Variants in GALNT13 observed in about 807,000 individuals in gnomAD.
GALNT13 encodes the protein UDP-GalNAc:polypeptide N-acetylgalactosaminyltransferase 13.
In GALNT13, 28 loss-of-function variants were observed where a neutral mutation model predicts 64.2. The ratio of observed to expected loss-of-function variants is 0.44; its 90% CI spans 0.32 to 0.60. The LOEUF is 0.60. Ranked by LOEUF, GALNT13 falls within the 20% of genes least tolerant of loss-of-function variation. GALNT13 has a pLI of 0.05. For missense variants in GALNT13, 577 were observed against 669.8 expected (o/e 0.86, Z 1.53); for synonymous variants, 214 against 224.6 (o/e 0.95, Z 0.42).
the GALNT13 span, among the ~76,000 whole-genome samples, chr2:153,595,653 A>C: frequency 6.6e-6 from 1 of 152,120 alleles, no homozygotes; most frequent in African/African-American, 2.4e-5. Context: ...TTACAAAATG[A>C]GCTAGATGCT....
the GALNT13 span, among the ~76,000 whole-genome samples, chr2:153,795,806 C>T: frequency 2.0e-5 from 3 of 152,170 alleles, no homozygotes; most frequent in Non-Finnish European, 4.4e-5. Flanking sequence ...AAGCTTCATA[C>T]GTTCTCCTAC....
At chr2:154,287,846 TG>T (rs1166283376) in intron 8 of GALNT13, among the ~76,000 whole-genome samples, 2 of 152,100 alleles carry the variant, frequency 1.3e-5, no homozygotes. Flanking sequence ...CTTGACTCTG[TG>T]GGATTCAGTA....
intron 2 of GALNT13, among the ~76,000 whole-genome samples, chr2:153,932,475 CTTCT>C (rs1306447657): frequency 6.6e-6 from 1 of 151,832 alleles, no homozygotes. Context: ...TGGCATGTTA[CTTCT>C]TTGTTTTTCT....
At chr2:153,390,913 A>T in the GALNT13 span, among the ~76,000 whole-genome samples, 10 of 152,214 alleles carry the variant, frequency 6.6e-5, no homozygotes, top group South Asian at 1.0e-3. Context: ...AACATATTCA[A>T]TGGTGAAAGC....
At chr2:154,285,165 A>G (rs1281756531) in intron 8 of GALNT13, among the ~76,000 whole-genome samples, 2 of 152,126 alleles carry the variant, frequency 1.3e-5, no homozygotes. Flanking sequence ...CTCCCAGTCC[A>G]TGAGTTGTCT....
At chr2:154,332,583 A>G (rs1695225898) in intron 9 of GALNT13, among the ~76,000 whole-genome samples, 1 of 151,998 alleles carries the variant, frequency 6.6e-6, no homozygotes, top group Admixed American at 6.6e-5. Flanking sequence ...AAGTTGAGGA[A>G]CCTCTTTATA....
chr2:154,331,539 C>T (rs1419840493), intron 9 of GALNT13, among the ~76,000 whole-genome samples: 1 of 151,980 alleles, frequency 6.6e-6, no homozygotes, highest in Non-Finnish European at 1.5e-5. Flanking sequence ...CTCTTAGCCA[C>T]AAGTTCTACC....
At chr2:153,168,388 A>G in the GALNT13 span, among the ~76,000 whole-genome samples, 3 of 151,998 alleles carry the variant, frequency 2.0e-5, no homozygotes, top group Non-Finnish European at 4.4e-5. Context: ...TATATTTTTT[A>G]TTTTCTTTTC....
chr2:153,126,294 TTGTATATATA>T, the GALNT13 span, among the ~76,000 whole-genome samples: 52 of 50,952 alleles, frequency 1.0e-3, no homozygotes, highest in South Asian at 2.2e-3. Context: ...AGTATTGATT[TTGTATATATA>T]TATATATATA....
intron 3 of GALNT13, among the ~76,000 whole-genome samples, chr2:153,992,428 T>C (rs7590676): frequency 0.25 from 37,683 of 152,142 alleles, 4,953 homozygotes; most frequent in Non-Finnish European, 0.28. Flanking sequence ...ATAATGCATG[T>C]TGGCACTTTA....
At chr2:153,738,004 C>A in the GALNT13 span, among the ~76,000 whole-genome samples, 14 of 151,928 alleles carry the variant, frequency 9.2e-5, no homozygotes, top group Non-Finnish European at 2.1e-4. Flanking sequence ...TTAACTATAT[C>A]TAATGTTAAC....
At chr2:153,441,493 T>C in the GALNT13 span, among the ~76,000 whole-genome samples, 1 of 152,206 alleles carries the variant, frequency 6.6e-6, no homozygotes, top group African/African-American at 2.4e-5. Flanking sequence ...GGAAAGTCAA[T>C]TGTAGCTTGA....
chr2:153,524,324 T>C, the GALNT13 span, among the ~76,000 whole-genome samples: 82 of 147,578 alleles, frequency 5.6e-4, 1 homozygote, highest in East Asian at 0.013. Context: ...TCCTTCTCTT[T>C]TTTTTTTTTT....
intron 3 of GALNT13, among the ~76,000 whole-genome samples, chr2:153,987,439 T>C (rs1282124050): frequency 6.6e-6 from 1 of 151,942 alleles, no homozygotes; most frequent in African/African-American, 2.4e-5. Flanking sequence ...CCTCTTTAGA[T>C]ACAAAGTAGA....
chr2:153,618,652 C>T, the GALNT13 span, among the ~76,000 whole-genome samples: 15 of 151,814 alleles, frequency 9.9e-5, no homozygotes, highest in African/African-American at 3.6e-4. Flanking sequence ...GTTTTGGGGT[C>T]TCTCTCTTTA....
At chr2:153,605,443 A>G in the GALNT13 span, among the ~76,000 whole-genome samples, 2 of 152,114 alleles carry the variant, frequency 1.3e-5, no homozygotes, top group Admixed American at 6.6e-5. Flanking sequence ...GTTAGCACTC[A>G]GAAAAAAAAT....
the GALNT13 span, among the ~76,000 whole-genome samples, chr2:153,687,399 A>G: frequency 6.6e-6 from 1 of 151,854 alleles, no homozygotes; most frequent in Non-Finnish European, 1.5e-5. Flanking sequence ...GAATTAAGCC[A>G]TTTCTTCTAG....
intron 9 of GALNT13, among the ~76,000 whole-genome samples, chr2:154,392,410 G>A (rs1023907356): frequency 2.6e-5 from 4 of 152,092 alleles, no homozygotes; most frequent in African/African-American, 9.7e-5. Context: ...CAGGTGAGGG[G>A]GTCTGGTGTC....
the GALNT13 span, among the ~76,000 whole-genome samples, chr2:153,083,431 T>C: frequency 6.6e-6 from 1 of 152,200 alleles, no homozygotes; most frequent in Non-Finnish European, 1.5e-5. Flanking sequence ...ATTATGGCTA[T>C]TCTTGCAGGA....
Sources: allele counts gnomAD v4.1 joint callset (sites outside exome capture counted in the v4.1 genomes callset), GRCh38; gene constraint gnomAD v4.1.1; transcripts MANE v1.5; gene names NCBI Gene and HGNC (gene_info 2026-07-23, HGNC 2026-07-21).